Variants in RAB6B observed in about 807,000 individuals in gnomAD.
The protein encoded by RAB6B is RAB6B, member RAS oncogene family, also known as ras-related protein Rab-6B.
A neutral mutation model predicts 31.2 loss-of-function variants in RAB6B; 7 were observed. The ratio of observed to expected loss-of-function variants is 0.22; its 90% confidence interval spans 0.13 to 0.42. The LOEUF (loss-of-function observed/expected upper bound fraction) is 0.42, where lower values mean the gene tolerates loss of function less well. RAB6B is among the 10% of genes least tolerant of loss of function. The pLI, the probability that RAB6B is intolerant of heterozygous loss-of-function variation, is 1.00. For synonymous variants in RAB6B, 105 were observed against 104.9 expected (o/e 1.00, Z -0.01); for missense variants, 149 against 280.6 (o/e 0.53, Z 3.35).
At chr3:133,876,749 G>A (rs922064368) in intron 1 of RAB6B, among the ~76,000 whole-genome samples, 1 of 152,158 alleles carries the variant, frequency 6.6e-6, no homozygotes, top group Non-Finnish European at 1.5e-5. Context: ...AAAGAGTCTG[G>A]AGTGCAGAAA....
rs1935707658 is a variant in RAB6B at position 133,834,713 on chromosome 3, C to T, written c.496-72G>A. On this transcript the variant is annotated intron_variant, in intron 6 of 7. Coordinates refer to ENST00000285208, the MANE Select transcript of RAB6B (RefSeq NM_016577.4). ...CCTCTGCTCCTCACTGCACCTGCAC[C>T]CTCACCCCTCTTCCCCTCCCAACCT... 4.3e-6 allele frequency: 6 copies of T among 1,393,744 alleles called. No individual in the cohort carries two copies. The Admixed American group carries it at 1.0e-4, about 24-fold the overall frequency. The allele number at this position is 1,393,744 out of a possible 1,614,324, so 86.3% of individuals were successfully genotyped here.
chr3:133,841,455 G>A (rs1457356459), intron 3 of RAB6B, 65 bp from the exon 4 acceptor site: 47 of 1,562,178 alleles, frequency 3.0e-5, no homozygotes, highest in Non-Finnish European at 3.5e-5. Flanking sequence ...CTCCTGGTCC[G>A]GGGGACTGGG....
At chr3:133,864,278 T>C (rs1465241461) in intron 2 of RAB6B, among the ~76,000 whole-genome samples, 3 of 152,170 alleles carry the variant, frequency 2.0e-5, no homozygotes, top group African/African-American at 7.2e-5. Flanking sequence ...CTCTTCCACA[T>C]GATGACTCCC....
At chr3:133,863,011 C>T (rs1477465122) in intron 2 of RAB6B, among the ~76,000 whole-genome samples, 1 of 152,220 alleles carries the variant, frequency 6.6e-6, no homozygotes, top group Non-Finnish European at 1.5e-5. Context: ...TTGCAGCTGT[C>T]ATCTTGAATT....
At chr3:133,862,100 T>C (rs961060553) in intron 2 of RAB6B, among the ~76,000 whole-genome samples, 5 of 150,512 alleles carry the variant, frequency 3.3e-5, no homozygotes, top group Admixed American at 2.6e-4. Context: ...TTAAGAGCAC[T>C]GGGAAAGGAA....
chr3:133,837,974 C>T (rs1232324473), intron 6 of RAB6B, among the ~76,000 whole-genome samples, 192 bp downstream of exon 6: 1 of 152,204 alleles, frequency 6.6e-6, no homozygotes, highest in Non-Finnish European at 1.5e-5. Context: ...CGGAGTGGTC[C>T]CTCCCTCTTT....
intron 1 of RAB6B, among the ~76,000 whole-genome samples, chr3:133,875,650 T>C (rs951092391): frequency 3.3e-5 from 5 of 152,168 alleles, no homozygotes; most frequent in African/African-American, 9.7e-5. Context: ...ACACTGCAAA[T>C]CATCCCTGCC....
intron 5 of RAB6B, among the ~76,000 whole-genome samples, chr3:133,839,028 A>T (rs1391650791): frequency 1.3e-5 from 2 of 152,228 alleles, no homozygotes; most frequent in African/African-American, 4.8e-5. Flanking sequence ...GCCACAAACC[A>T]GGCTAAGCAG....
At chr3:133,854,281 G>A (rs1003653885) in intron 2 of RAB6B, among the ~76,000 whole-genome samples, 2 of 152,214 alleles carry the variant, frequency 1.3e-5, no homozygotes, top group African/African-American at 2.4e-5. Context: ...TTGCCATGGA[G>A]TCTTGGTCAA....
chr3:133,872,286 C>T, intron 1 of RAB6B, among the ~76,000 whole-genome samples: 1 of 152,250 alleles, frequency 6.6e-6, no homozygotes, highest in Non-Finnish European at 1.5e-5. Flanking sequence ...GTGGGAATTG[C>T]TGGTATAAAT....
At chr3:133,890,474 G>A (rs1936622118) in intron 1 of RAB6B, among the ~76,000 whole-genome samples, 1 of 152,120 alleles carries the variant, frequency 6.6e-6, no homozygotes, top group African/African-American at 2.4e-5. Flanking sequence ...GCGTATTGGT[G>A]TGGGCCTGTA....
intron 1 of RAB6B, among the ~76,000 whole-genome samples, chr3:133,882,164 C>T (rs1408872552): frequency 6.6e-6 from 1 of 152,214 alleles, no homozygotes; most frequent in Admixed American, 6.5e-5. Flanking sequence ...AGGCCACCCA[C>T]ATCCCTTGCC....
At chr3:133,841,714 G>C (rs967325485) in intron 2 of RAB6B, 51 bp from the exon 3 acceptor site, 2 of 1,595,194 alleles carry the variant, frequency 1.3e-6, no homozygotes, top group Non-Finnish European at 1.7e-6. Context: ...TCATGCAAAG[G>C]GGCAAAAGCC....
At chr3:133,865,738 G>A (rs1263029047) in intron 1 of RAB6B, among the ~76,000 whole-genome samples, 1 of 152,230 alleles carries the variant, frequency 6.6e-6, no homozygotes, top group Non-Finnish European at 1.5e-5. Context: ...GCTGTGCCTG[G>A]TGGGGTGGCT....
At chr3:133,841,905 G>C (rs1376751978) in intron 2 of RAB6B, among the ~76,000 whole-genome samples, 2 of 152,204 alleles carry the variant, frequency 1.3e-5, no homozygotes, top group African/African-American at 4.8e-5. Flanking sequence ...GAGAGGGCAA[G>C]TGCTTCAGAA....
chr3:133,895,639 T>G lies in RAB6B; in HGVS notation c.-173A>C. ...GTCCCGGTCCCGGCCTGCGGCTGCG[T>G]GTCCGGCGGCGGAGGAGGAGGAGGA... On this transcript the variant is annotated 5_prime_UTR_variant, in exon 1 of 8. Coordinates refer to ENST00000285208, the MANE Select transcript of RAB6B (RefSeq NM_016577.4). The G allele has an allele frequency of 1.6e-6, 1 of 626,188 alleles. No homozygotes were observed. Among genetic ancestry groups the G allele is most frequent in the South Asian group, 2.0e-5 (1 of 50,288 alleles). 38.8% of individuals were successfully genotyped at this position (626,188 alleles called of 1,614,324 possible).
intron 4 of RAB6B, 49 bp downstream of exon 4, chr3:133,841,236 C>T (rs1039815338): frequency 6.3e-7 from 1 of 1,588,302 alleles, no homozygotes. Context: ...ACACCTGGGC[C>T]CTGGACCCCC....
intron 6 of RAB6B, among the ~76,000 whole-genome samples, chr3:133,835,879 T>C (rs1935727675): frequency 6.6e-6 from 1 of 152,124 alleles, no homozygotes; most frequent in Non-Finnish European, 1.5e-5. Flanking sequence ...ACCTTGACCA[T>C]GGAGTTCCCA....
Position 133,826,664 on chromosome 3 carries a change from G to A in RAB6B, c.*2124C>T, listed in dbSNP as rs2107982088. 1 of 152,772 alleles carries A rather than the reference G, an allele frequency of 6.5e-6. No individual in the cohort carries two copies. Among genetic ancestry groups the A allele is most frequent in the East Asian group, 1.9e-4 (1 of 5,188 alleles). 9.5% of individuals were successfully genotyped at this position (152,772 alleles called of 1,614,324 possible). Reference sequence around the variant, plus strand: ...AGGCATGCACACCCGTGCATATAAAGTACATAGAGAAATGGTGGAGATATT... The same window carrying A: ...AGGCATGCACACCCGTGCATATAAAATACATAGAGAAATGGTGGAGATATT... On this transcript the variant is annotated 3_prime_UTR_variant, in exon 8 of 8. Transcript: ENST00000285208.
Sources: allele counts gnomAD v4.1 joint callset (sites outside exome capture counted in the v4.1 genomes callset), GRCh38; gene constraint gnomAD v4.1.1; transcripts MANE v1.5; gene names NCBI Gene and HGNC (gene_info 2026-07-23, HGNC 2026-07-21).